Variants in ZSWIM6 observed in about 807,000 individuals in gnomAD.
The protein encoded by ZSWIM6 is zinc finger SWIM-type containing 6.
A neutral mutation model predicts 113.2 loss-of-function variants in ZSWIM6; 9 were observed. The observed-to-expected ratio is 0.08, with a 90% CI of 0.05 to 0.14. ZSWIM6 has a LOEUF of 0.14. ZSWIM6 is among the 10% of genes least tolerant of loss of function. The pLI, the probability that ZSWIM6 is intolerant of heterozygous loss-of-function variation, is 1.00. For missense variants in ZSWIM6, 1,162 were observed against 1,552.2 expected (o/e 0.75, Z 4.22); for synonymous variants, 611 against 606.5 (o/e 1.01, Z -0.11).
intron 1 of ZSWIM6, among the ~76,000 whole-genome samples, chr5:61,389,282 G>A (rs946772352): frequency 6.6e-6 from 1 of 150,982 alleles, no homozygotes; most frequent in South Asian, 2.1e-4. Context: ...TTGGCCGGGC[G>A]CGGTAGCTCA....
At chr5:61,475,371 T>A (rs963771326) in intron 2 of ZSWIM6, among the ~76,000 whole-genome samples, 1 of 152,158 alleles carries the variant, frequency 6.6e-6, no homozygotes, top group African/African-American at 2.4e-5. Context: ...GATTTTTCAA[T>A]CTATTTTGAA....
At chr5:61,385,331 C>T (rs1032112217) in intron 1 of ZSWIM6, among the ~76,000 whole-genome samples, 10 of 152,072 alleles carry the variant, frequency 6.6e-5, no homozygotes, top group East Asian at 1.9e-4. Context: ...CTGGGTTGTC[C>T]GGGAAATTCT....
chr5:61,521,470 A>AG, intron 5 of ZSWIM6, 28 bp downstream of exon 5: 1 of 1,405,574 alleles, frequency 7.1e-7, no homozygotes. Flanking sequence ...TTCTGCTTAA[A>AG]TTGTAGCTAC....
At chr5:61,438,214 G>T (rs1189476882) in intron 1 of ZSWIM6, among the ~76,000 whole-genome samples, 1 of 152,078 alleles carries the variant, frequency 6.6e-6, no homozygotes, top group Non-Finnish European at 1.5e-5. Flanking sequence ...GGAATGAATT[G>T]CTGATGAAAG....
chr5:61,520,633 CT>C lies in ZSWIM6; in HGVS notation c.1334-622del, dbSNP rs979833842. Among the ~76,000 whole-genome samples the C allele has an allele frequency of 1.5e-4, 23 of 151,746 alleles. No homozygotes were observed. In the East Asian group the frequency reaches 2.9e-3, roughly 19 times the overall value. On this transcript the variant is annotated intron_variant, in intron 4 of 13. Coordinates refer to ENST00000252744, the MANE Select transcript of ZSWIM6 (RefSeq NM_020928.2). ...ATTTTTGAAAGACGTATTTTACTGG[CT>C]TTTTTTTGCCCCAAACTATTCATAT...
intron 1 of ZSWIM6, among the ~76,000 whole-genome samples, chr5:61,467,807 C>G (rs1747468857): frequency 6.6e-6 from 1 of 152,076 alleles, no homozygotes; most frequent in Non-Finnish European, 1.5e-5. Flanking sequence ...CTTTGAAATA[C>G]TTTGGTTTTG....
At chr5:61,445,322 CAAT>C (rs1268545818) in intron 1 of ZSWIM6, among the ~76,000 whole-genome samples, 2 of 152,186 alleles carry the variant, frequency 1.3e-5, no homozygotes, top group South Asian at 4.1e-4. Flanking sequence ...AACAAGCAAA[CAAT>C]AATTTCTTTT....
chr5:61,468,991 AG>A (rs1221882876), intron 1 of ZSWIM6, among the ~76,000 whole-genome samples: 2 of 152,214 alleles, frequency 1.3e-5, no homozygotes, highest in African/African-American at 4.8e-5. Flanking sequence ...CCTAAAGGTA[AG>A]GGGAACCCCC....
intron 4 of ZSWIM6, among the ~76,000 whole-genome samples, chr5:61,494,926 A>G (rs2112220713): frequency 6.6e-6 from 1 of 152,290 alleles, no homozygotes; most frequent in Admixed American, 6.5e-5. Flanking sequence ...CTGGTGGTTA[A>G]AGATACAAAT....
Position 61,479,464 on chromosome 5 carries a change from T to C in ZSWIM6, c.1033+6427T>C, listed in dbSNP as rs192643339. On this transcript the variant is annotated intron_variant, in intron 2 of 13. Transcript: ENST00000252744. ...TTCCCTCACACTCTTTGGTCATCTC[T>C]GACACCATCCCAACCCTCATAATTT... 1.3e-3 allele frequency among the ~76,000 whole-genome samples: 202 copies of C among 152,262 alleles called. 2 individuals are homozygous for C. Among genetic ancestry groups the C allele is most frequent in the African/African-American group, 4.4e-3 (183 of 41,540 alleles).
chr5:61,390,939 C>T, intron 1 of ZSWIM6: 1 of 789,476 alleles, frequency 1.3e-6, no homozygotes. Context: ...CAGAGGGTGG[C>T]TTGTCAGACA....
At chr5:61,465,463 T>TG (rs1391203478) in intron 1 of ZSWIM6, among the ~76,000 whole-genome samples, 1 of 151,598 alleles carries the variant, frequency 6.6e-6, no homozygotes, top group Non-Finnish European at 1.5e-5. Context: ...CTTAAACTAG[T>TG]GGTACTTCTA....
intron 4 of ZSWIM6, among the ~76,000 whole-genome samples, chr5:61,520,694 A>G (rs753528399): frequency 1.1e-4 from 16 of 152,174 alleles, no homozygotes; most frequent in Admixed American, 9.2e-4. Flanking sequence ...CTAATTAATA[A>G]ACATAATAAA....
At chr5:61,505,513 A>G (rs1183732746) in intron 4 of ZSWIM6, among the ~76,000 whole-genome samples, 1 of 152,020 alleles carries the variant, frequency 6.6e-6, no homozygotes, top group Non-Finnish European at 1.5e-5. Context: ...ATGGAATGGG[A>G]AGACTACATA....
At chr5:61,438,188 A>T (rs917600663) in intron 1 of ZSWIM6, among the ~76,000 whole-genome samples, 2 of 152,192 alleles carry the variant, frequency 1.3e-5, no homozygotes, top group African/African-American at 4.8e-5. Context: ...ACAGAAAAAA[A>T]TTACATCTTT....
rs1749882997 is a variant in ZSWIM6 at position 61,546,146 on chromosome 5, G to A, written c.*1829G>A. On this transcript the variant is annotated 3_prime_UTR_variant, in exon 14 of 14. Transcript: ENST00000252744. ...GTTAATGATCAACAATTTTTGTTTT[G>A]ATTAAAATTAGTTTTTTGAAAGTTG... The A allele has an allele frequency of 6.6e-6, 1 of 152,014 alleles. No individual in the cohort carries two copies. Among genetic ancestry groups the A allele is most frequent in the Non-Finnish European group, 1.5e-5 (1 of 67,964 alleles). The allele number at this position is 152,014 out of a possible 1,614,324, so 9.4% of individuals were successfully genotyped here.
In ZSWIM6 at chr5:61,478,729, GAA is replaced by G. The variant is rs781113739; in HGVS notation, c.1033+5693_1033+5694del. On this transcript the variant is annotated intron_variant, in intron 2 of 13. Coordinates refer to ENST00000252744, the MANE Select transcript of ZSWIM6 (RefSeq NM_020928.2). ...TTTGTGTGTGTGTGTGTGTGTGTGT[GAA>G]TTTGTATAGATATAACAGATTCTTA... Among the ~76,000 whole-genome samples the G allele has an allele frequency of 1.6e-3, 234 of 149,342 alleles. 1 individual carries two copies. Among genetic ancestry groups the G allele is most frequent in the Non-Finnish European group, 2.8e-3 (191 of 67,238 alleles).
intron 2 of ZSWIM6, among the ~76,000 whole-genome samples, chr5:61,484,721 A>G (rs368088127): frequency 2.0e-5 from 3 of 152,308 alleles, no homozygotes; most frequent in Admixed American, 6.5e-5. Flanking sequence ...AAAGAGAGGC[A>G]TGCTAACAAA....
chr5:61,438,414 G>A lies in ZSWIM6; in HGVS notation c.677-34267G>A, dbSNP rs181431809. Among the ~76,000 whole-genome samples, 8 of 152,218 alleles carry A rather than the reference G, an allele frequency of 5.3e-5. No individual in the cohort carries two copies. In the East Asian group the frequency reaches 1.5e-3, roughly 29 times the overall value. On this transcript the variant is annotated intron_variant, in intron 1 of 13. Coordinates refer to ENST00000252744, the MANE Select transcript of ZSWIM6 (RefSeq NM_020928.2). ...AGGAATCTAGAATATAAAGTAAATT[G>A]TATTAGTAATTGCAGGTCAGAAACT...
Sources: allele counts gnomAD v4.1 joint callset (sites outside exome capture counted in the v4.1 genomes callset), GRCh38; gene constraint gnomAD v4.1.1; transcripts MANE v1.5; gene names NCBI Gene and HGNC (gene_info 2026-07-23, HGNC 2026-07-21).